Variants in NFATC1 observed in about 807,000 individuals in gnomAD.
NFATC1 encodes the protein nuclear factor of activated T cells 1, also known as nuclear factor of activated T-cells, cytoplasmic 1.
A neutral mutation model predicts 76.0 loss-of-function variants in NFATC1; 22 were observed. That is an observed-to-expected ratio of 0.29 (90% CI 0.21 to 0.41). NFATC1 has a LOEUF of 0.41. Ranked by LOEUF, NFATC1 falls within the 10% of genes least tolerant of loss-of-function variation. The pLI is 1.00. For synonymous variants in NFATC1, 704 were observed against 613.1 expected, an observed-to-expected ratio of 1.15 and a Z score of -2.19; for missense variants, 1,357 against 1,337.7, an observed-to-expected ratio of 1.01 and a Z score of -0.23.
intron 2 of NFATC1, among the ~76,000 whole-genome samples, chr18:79,431,156 C>A (rs2086575814): frequency 6.6e-6 from 1 of 152,220 alleles, no homozygotes; most frequent in African/African-American, 2.4e-5. Context: ...GGGTGGTGAG[C>A]CTGCCAGGTG....
intron 8 of NFATC1, among the ~76,000 whole-genome samples, chr18:79,481,854 AT>A (rs2089284381): frequency 8.5e-6 from 1 of 117,430 alleles, no homozygotes; most frequent in Admixed American, 9.1e-5. Context: ...TTCCTGGGGT[AT>A]AATTCCAGCG....
chr18:79,418,988 C>G (rs2085974137), intron 2 of NFATC1, among the ~76,000 whole-genome samples: 1 of 152,196 alleles, frequency 6.6e-6, no homozygotes, highest in African/African-American at 2.4e-5. Flanking sequence ...GGAGAAGGCA[C>G]TCTGTTCCTG....
intron 7 of NFATC1, among the ~76,000 whole-genome samples, chr18:79,464,706 A>ATATAT (rs1568994824): frequency 2.4e-5 from 2 of 81,712 alleles, no homozygotes; most frequent in African/African-American, 5.8e-5. Flanking sequence ...TTATTTATTT[A>ATATAT]TTTATTTTTT....
At chr18:79,471,033 G>C (rs982910210) in intron 8 of NFATC1, 1 of 152,276 alleles carries the variant, frequency 6.6e-6, no homozygotes, top group Admixed American at 6.5e-5. Context: ...CCGGGGTGCT[G>C]CCCGGTGAGG....
intron 3 of NFATC1, among the ~76,000 whole-genome samples, chr18:79,445,440 G>GC (rs2087167019): frequency 6.6e-6 from 1 of 152,222 alleles, no homozygotes; most frequent in Non-Finnish European, 1.5e-5. Flanking sequence ...TGGTTCCCTG[G>GC]CCCCGGGCCC....
intron 1 of NFATC1, among the ~76,000 whole-genome samples, chr18:79,406,080 G>A (rs2085427546): frequency 6.6e-6 from 1 of 152,216 alleles, no homozygotes; most frequent in Non-Finnish European, 1.5e-5. Flanking sequence ...GCGCAGCTCT[G>A]GGCTCCGTCA....
chr18:79,432,154 A>G (rs539217218), intron 2 of NFATC1, among the ~76,000 whole-genome samples: 41 of 152,218 alleles, frequency 2.7e-4, no homozygotes, highest in Non-Finnish European at 5.0e-4. Context: ...GCTGCCCCGC[A>G]TGTCCCATGT....
rs1321624549 is a variant in NFATC1, at chr18:79,465,997, T to G, written c.1960-1453T>G. ...ACGCCCATGTGCCATGGCTTCTGCT[T>G]CTTCCCAATGAACTGCAGTTAATTA... On this transcript the variant is annotated intron_variant, in intron 7 of 9. Coordinates refer to ENST00000427363, the MANE Select transcript of NFATC1 (RefSeq NM_001278669.2). This position sits in a 1 kb window ranked among gnomAD's most constrained non-coding sequence, Gnocchi z 4.2. 1.3e-5 allele frequency among the ~76,000 whole-genome samples: 2 copies of G among 152,190 alleles called. No homozygotes were observed. Among genetic ancestry groups the G allele is most frequent in the African/African-American group, 2.4e-5 (1 of 41,452 alleles).
At chr18:79,512,660 T>G (rs757097370) in intron 9 of NFATC1, among the ~76,000 whole-genome samples, 13 of 152,236 alleles carry the variant, frequency 8.5e-5, no homozygotes, top group Non-Finnish European at 1.8e-4. Flanking sequence ...CTCCCCCGTT[T>G]GCTGAGCCGT....
chr18:79,451,855 C>T (rs778060375), intron 6 of NFATC1, 39 bp downstream of exon 6: 18 of 1,575,164 alleles, frequency 1.1e-5, no homozygotes, highest in African/African-American at 2.7e-5. Context: ...GCCTGGGCTT[C>T]GGCGCTGGTG....
intron 8 of NFATC1, chr18:79,469,949 G>A: frequency 2.0e-6 from 2 of 985,486 alleles, no homozygotes; most frequent in Non-Finnish European, 2.4e-6. Flanking sequence ...CCCCAGTGTT[G>A]ACGCTGGGCC....
At chr18:79,406,224 T>G (rs979061370) in intron 1 of NFATC1, among the ~76,000 whole-genome samples, 1 of 152,258 alleles carries the variant, frequency 6.6e-6, no homozygotes, top group African/African-American at 2.4e-5. Flanking sequence ...GTAGTTCAGC[T>G]GTGGGATCAG....
chr18:79,488,769 G>A (rs147338836), intron 9 of NFATC1, among the ~76,000 whole-genome samples: 34 of 152,304 alleles, frequency 2.2e-4, no homozygotes, highest in Non-Finnish European at 3.1e-4. Context: ...GTCCCAAGGC[G>A]GCTGGGAGAT....
At chr18:79,485,887 C>T (rs200268348) in intron 8 of NFATC1, among the ~76,000 whole-genome samples, 15 of 152,224 alleles carry the variant, frequency 9.9e-5, no homozygotes, top group Non-Finnish European at 1.6e-4. Context: ...TTTATCAAAC[C>T]GAGTGTCGGG....
chr18:79,472,862 G>C (rs891629966), intron 8 of NFATC1, among the ~76,000 whole-genome samples: 2 of 152,224 alleles, frequency 1.3e-5, no homozygotes, highest in East Asian at 3.9e-4. Context: ...TCCATGTGTC[G>C]GCTGTGGGCA....
intron 1 of NFATC1, among the ~76,000 whole-genome samples, chr18:79,407,775 C>T (rs1232390287): frequency 6.6e-6 from 1 of 152,222 alleles, no homozygotes; most frequent in Non-Finnish European, 1.5e-5. Context: ...TTACTGTTCT[C>T]TCTCCGGTGC....
chr18:79,417,080 A>G (rs976433225), intron 2 of NFATC1, among the ~76,000 whole-genome samples: 2 of 152,158 alleles, frequency 1.3e-5, no homozygotes, highest in Non-Finnish European at 2.9e-5. Flanking sequence ...GTCCCCAGGA[A>G]GCCCTCAGCT....
At chr18:79,413,820 G>T (rs1359301563) in intron 2 of NFATC1, among the ~76,000 whole-genome samples, 3 of 152,196 alleles carry the variant, frequency 2.0e-5, no homozygotes, top group Non-Finnish European at 2.9e-5. Context: ...TGGTGTGGAG[G>T]TTGGAAAGCA....
At chr18:79,433,456 T>C in intron 2 of NFATC1, 123 bp from the exon 3 acceptor site, 1 of 1,153,438 alleles carries the variant, frequency 8.7e-7, no homozygotes, top group Non-Finnish European at 1.3e-6. Context: ...TCCATCTCCA[T>C]GTCAGGACGT....
Sources: gnomAD v4.1 joint callset for allele counts (sites outside exome capture counted in the v4.1 genomes callset) on GRCh38, gnomAD v4.1.1 for gene constraint, Gnocchi (gnomAD v3.1) non-coding constraint, MANE v1.5 for transcripts, NCBI Gene and HGNC (gene_info 2026-07-23, HGNC 2026-07-21) for gene names.